Variants in GIMAP8 observed in about 807,000 individuals in gnomAD.
The protein encoded by GIMAP8 is GTPase, IMAP family member 8.
GIMAP8 carries 29 observed loss-of-function variants against 35.6 expected under a neutral mutation model. The ratio of observed to expected loss-of-function variants is 0.81; its 90% CI spans 0.61 to 1.11. GIMAP8 has a LOEUF of 1.11. GIMAP8 is among the 50% of genes most tolerant of loss of function. The pLI is 0.00. For synonymous variants in GIMAP8, 335 were observed against 308.7 expected (o/e 1.09, Z -0.89); for missense variants, 811 against 805.0 (o/e 1.01, Z -0.09).
intron 4 of GIMAP8, among the ~76,000 whole-genome samples, chr7:150,475,436 G>T (rs912661955): frequency 6.6e-6 from 1 of 152,068 alleles, no homozygotes; most frequent in Non-Finnish European, 1.5e-5. Context: ...ATTTTTTCAT[G>T]ATCTTTACTA....
In GIMAP8 at chr7:150,474,252, C is replaced by T. The variant is rs377636397; in HGVS notation, c.923C>T (p.Ser308Phe). The T allele has an allele frequency of 6.2e-7, 1 of 1,614,194 alleles. No homozygotes were observed. Among genetic ancestry groups the T allele is most frequent in the South Asian group, 1.1e-5 (1 of 91,086 alleles). ...ATCATTGATGCTCCGGACATCTCAT[C>T]TTTAAAGAACATTGACTCAGAAGTT... ...VSIIDAPDIS[S>F]LKNIDSEVRK... Residue 308 changes from serine to phenylalanine, a missense_variant, in exon 4 of 5, where the codon TCT becomes TTT. Physicochemically the swap from Ser to Phe is radical, Grantham distance 155. Coordinates refer to ENST00000307271, the MANE Select transcript of GIMAP8 (RefSeq NM_175571.4).
At position 150,459,313 on chromosome 7, in the gene GIMAP8, A is replaced by G. The variant is rs189162656; in HGVS notation, c.-28-7358A>G. ...TTCTTGATGTTGATTGAGAGGCATG[A>G]GGAGCCCAAAGTGGCCAGGTGGCAT... On this transcript the variant is annotated intron_variant, in intron 1 of 4. Coordinates refer to ENST00000307271, the MANE Select transcript of GIMAP8 (RefSeq NM_175571.4). 2.7e-4 allele frequency among the ~76,000 whole-genome samples: 41 copies of G among 152,344 alleles called. 1 individual carries two copies. The highest frequency in any genetic ancestry group is 1.5e-5 in the Non-Finnish European group (1 of 68,028).
At chr7:150,455,936 G>A (rs1289472535) in intron 1 of GIMAP8, among the ~76,000 whole-genome samples, 1 of 152,138 alleles carries the variant, frequency 6.6e-6, no homozygotes, top group Non-Finnish European at 1.5e-5. Flanking sequence ...GGTGGCACAG[G>A]TTGACTTTTT....
At chr7:150,477,057 C>T in intron 4 of GIMAP8, 35 bp from the exon 5 acceptor site, 1 of 1,528,820 alleles carries the variant, frequency 6.5e-7, no homozygotes, top group South Asian at 1.2e-5. Flanking sequence ...CAGATCAGCC[C>T]ATGGTCACGA....
At position 150,477,409 on chromosome 7, in the gene GIMAP8, ACAGCTGTGGCGAAACT is replaced by A. The variant is rs1202477808; in HGVS notation, c.1628_1643del (p.Thr543ArgfsTer23). The A allele has an allele frequency of 6.2e-7, 1 of 1,614,102 alleles. No homozygotes were observed. Among genetic ancestry groups the A allele is most frequent in the Admixed American group, 1.7e-5 (1 of 60,032 alleles). On this transcript the variant is annotated frameshift_variant, in exon 5 of 5. Transcript: ENST00000307271. LOFTEE classifies it low-confidence loss of function (END_TRUNC). ...GGGACGATTCACTGAAGAGGACAAA[ACAGCTGTGGCGAAACT>A]GGAGGCCATCTTTGGAGCAGACTTT... is the stretch of plus-strand genomic sequence containing the variant.
In GIMAP8 at chr7:150,474,316, G is replaced by A. The variant is rs1440323906; in HGVS notation, c.987G>A (p.Leu329=). The A allele has an allele frequency of 3.1e-6, 5 of 1,614,138 alleles. 1 individual carries two copies. The Admixed American group carries it at 8.3e-5, about 27-fold the overall frequency. Residue 329 remains leucine, a synonymous_variant, in exon 4 of 5, where the codon CTG becomes CTA. Coordinates refer to ENST00000307271, the MANE Select transcript of GIMAP8 (RefSeq NM_175571.4). The part of the protein sequence containing the change: ...HICTGPHAFL[L]VTPLGFYTKN... ...GTACAGGCCCCCATGCCTTCCTGCTGGTGACACCACTGGGCTTTTACACTA... is the reference window on the plus strand; with the variant it reads ...GTACAGGCCCCCATGCCTTCCTGCTAGTGACACCACTGGGCTTTTACACTA...
intron 1 of GIMAP8, among the ~76,000 whole-genome samples, chr7:150,458,240 G>A (rs192803273): frequency 5.3e-5 from 8 of 152,294 alleles, no homozygotes; most frequent in Non-Finnish European, 1.2e-4. Flanking sequence ...GGGGAGGCTA[G>A]CAGGCTGGAG....
At position 150,470,770 on chromosome 7, in the gene GIMAP8, A is replaced by ATTTTTTTTTTTTTTTT. The variant is rs1357852628; in HGVS notation, c.637-59_637-58insTTTTTTTTTTTTTTTT. 8 of 224,044 alleles carry ATTTTTTTTTTTTTTTT rather than the reference A, an allele frequency of 3.6e-5. 1 individual carries two copies. Among genetic ancestry groups the ATTTTTTTTTTTTTTTT allele is most frequent in the African/African-American group, 5.1e-5 (1 of 19,496 alleles). 13.9% of individuals were successfully genotyped at this position (224,044 alleles called of 1,614,324 possible). A position where few individuals can be genotyped will look rare whatever the true frequency, so the allele number is the denominator to read the frequency against. ...CCTTTTTTTTTTTTTTTTTTTTTTC[A>ATTTTTTTTTTTTTTTT]GTTTGTGGAAGATGAGGTTTTAGAT... On this transcript the variant is annotated intron_variant, in intron 2 of 4. Coordinates refer to ENST00000307271, the MANE Select transcript of GIMAP8 (RefSeq NM_175571.4).
rs952624872 is a variant in GIMAP8, at chr7:150,451,197, C to G, written c.-29+22C>G. 6.6e-5 allele frequency: 10 copies of G among 152,366 alleles called. No homozygotes were observed. The highest frequency in any genetic ancestry group is 2.2e-4 in the African/African-American group (9 of 41,454). 9.4% of individuals were successfully genotyped at this position (152,366 alleles called of 1,614,324 possible). On this transcript the variant is annotated intron_variant, in intron 1 of 4. Coordinates refer to ENST00000307271, the MANE Select transcript of GIMAP8 (RefSeq NM_175571.4). This position sits in a 1 kb window ranked among gnomAD's most constrained non-coding sequence, Gnocchi z 4.1. ...CCAGGTGAGAGATGGAGGGATAGAG[C>G]CAGGTGGATTGCGGAGCCTCGGAGA... is the stretch of plus-strand genomic sequence containing the variant.
intron 1 of GIMAP8, among the ~76,000 whole-genome samples, chr7:150,456,984 C>G (rs1801743541): frequency 6.6e-6 from 1 of 152,060 alleles, no homozygotes; most frequent in Non-Finnish European, 1.5e-5. Context: ...AGACCCCAAC[C>G]CAGTGGTGCT....
At position 150,467,295 on chromosome 7, in the gene GIMAP8, C is replaced by T. The variant is rs761270896; in HGVS notation, c.597C>T (p.Pro199=). The T allele has an allele frequency of 1.1e-5, 17 of 1,613,840 alleles. No homozygotes were observed. In the South Asian group the frequency reaches 1.4e-4, roughly 14 times the overall value. ...CTTTGGTGAATACGAACGGAGGACC[C>T]TATCATGTGAACTTCAAAACTGAAG... The part of the protein sequence containing the change: ...VESLVNTNGG[P]YHVNFKTEGS... The change falls in exon 2 of 5, where the codon CCC becomes CCT. Residue 199 remains proline, a synonymous_variant. Transcript: ENST00000307271.
At chr7:150,456,338 A>G (rs1801728777) in intron 1 of GIMAP8, among the ~76,000 whole-genome samples, 1 of 152,128 alleles carries the variant, frequency 6.6e-6, no homozygotes, top group Non-Finnish European at 1.5e-5. Context: ...TCTATGGAAT[A>G]ATCCATTTCC....
chr7:150,477,875 T>C lies in GIMAP8; in HGVS notation c.*95T>C, dbSNP rs1159312232. 1.0e-6 allele frequency: 1 copy of C among 999,258 alleles called. No homozygotes were observed. The highest frequency in any genetic ancestry group is 1.6e-5 in the African/African-American group (1 of 60,814). 61.9% of individuals were successfully genotyped at this position (999,258 alleles called of 1,614,324 possible). Reference sequence around the variant, plus strand: ...ACAACCTGTGGGAAGGGAAGCGGGTTCATGGCTTTGAGGGCCTGAGAGGCA... The same window carrying C: ...ACAACCTGTGGGAAGGGAAGCGGGTCCATGGCTTTGAGGGCCTGAGAGGCA... On this transcript the variant is annotated 3_prime_UTR_variant, in exon 5 of 5. Coordinates refer to ENST00000307271, the MANE Select transcript of GIMAP8 (RefSeq NM_175571.4).
chr7:150,460,918 T>C (rs1055024264), intron 1 of GIMAP8, among the ~76,000 whole-genome samples: 1 of 152,228 alleles, frequency 6.6e-6, no homozygotes, highest in Admixed American at 6.5e-5. Flanking sequence ...AAGTGTTCAG[T>C]GTCTACTAAG....
chr7:150,477,871 G>A lies in GIMAP8; in HGVS notation c.*91G>A, dbSNP rs1459377797. On this transcript the variant is annotated 3_prime_UTR_variant, in exon 5 of 5. Transcript: ENST00000307271. ...TGGTACAACCTGTGGGAAGGGAAGC[G>A]GGTTCATGGCTTTGAGGGCCTGAGA... 25 of 1,025,882 alleles carry A rather than the reference G, an allele frequency of 2.4e-5. 1 individual carries two copies. The highest frequency in any genetic ancestry group is 3.4e-5 in the Non-Finnish European group (24 of 701,008). The allele number at this position is 1,025,882 out of a possible 1,614,324, so 63.5% of individuals were successfully genotyped here.
Position 150,474,304 on chromosome 7 carries a change from T to A in GIMAP8, c.975T>A (p.His325Gln), listed in dbSNP as rs1554494536. The change falls in exon 4 of 5, where the codon CAT becomes CAA. Residue 325 changes from histidine (H) to glutamine (Q), a missense_variant. Physicochemically the swap from His to Gln is conservative, Grantham distance 24. Coordinates refer to ENST00000307271, the MANE Select transcript of GIMAP8 (RefSeq NM_175571.4). ...GAAAACACATCTGTACAGGCCCCCATGCCTTCCTGCTGGTGACACCACTGG... is the reference window on the plus strand; with the variant it reads ...GAAAACACATCTGTACAGGCCCCCAAGCCTTCCTGCTGGTGACACCACTGG... ...EVRKHICTGP[H>Q]AFLLVTPLGF... 6.2e-7 allele frequency: 1 copy of A among 1,614,134 alleles called. No homozygotes were observed. The highest frequency in any genetic ancestry group is 8.5e-7 in the Non-Finnish European group (1 of 1,179,948).
intron 1 of GIMAP8, among the ~76,000 whole-genome samples, chr7:150,466,222 G>C (rs10275187): frequency 2.1e-3 from 315 of 152,218 alleles, no homozygotes; most frequent in African/African-American, 6.9e-3. Flanking sequence ...CCCAAACTTG[G>C]CTACTCATTA....
intron 1 of GIMAP8, among the ~76,000 whole-genome samples, chr7:150,465,732 T>G (rs1801942013): frequency 6.6e-6 from 1 of 151,804 alleles, no homozygotes. Context: ...AGCTCAAGAG[T>G]TTTGGGTTTG....
chr7:150,461,311 A>G (rs749428966), intron 1 of GIMAP8, among the ~76,000 whole-genome samples: 48 of 152,196 alleles, frequency 3.2e-4, no homozygotes, highest in Non-Finnish European at 4.6e-4. Context: ...TATGTGTCCA[A>G]TGTTGAAACT....
Sources: allele counts gnomAD v4.1 joint callset (sites outside exome capture counted in the v4.1 genomes callset), GRCh38; gene constraint gnomAD v4.1.1; non-coding constraint Gnocchi (gnomAD v3.1); transcripts MANE v1.5; gene names NCBI Gene and HGNC (gene_info 2026-07-23, HGNC 2026-07-21).